Variants in PDS5A observed in about 807,000 individuals in gnomAD.
The protein encoded by PDS5A is sister chromatid cohesion protein PDS5 homolog A.
In PDS5A, 42 loss-of-function variants were observed where a neutral mutation model predicts 167.1. That is an observed-to-expected ratio of 0.25 (90% CI 0.20 to 0.33). The LOEUF is 0.33. PDS5A is among the 10% of genes least tolerant of loss of function. The pLI, the probability that PDS5A is intolerant of heterozygous loss-of-function variation, is 1.00. For synonymous variants in PDS5A, 553 were observed against 554.6 expected, an observed-to-expected ratio of 1.00 and a Z score of 0.04; for missense variants, 1,033 against 1,605.9, an observed-to-expected ratio of 0.64 and a Z score of 6.10.
chr4:39,950,480 T>C (rs889535632), intron 2 of PDS5A, among the ~76,000 whole-genome samples: 1 of 152,056 alleles, frequency 6.6e-6, no homozygotes, highest in African/African-American at 2.4e-5. Context: ...GGCTCCCGCC[T>C]GTAATCTCAA....
At chr4:39,904,967 C>CT (rs1018806519) in intron 11 of PDS5A, among the ~76,000 whole-genome samples, 43 of 152,302 alleles carry the variant, frequency 2.8e-4, no homozygotes, top group African/African-American at 9.4e-4. Flanking sequence ...AGTTACATCC[C>CT]TTTAGATGTT....
chr4:39,973,806 C>G, intron 2 of PDS5A: 1 of 1,167,796 alleles, frequency 8.6e-7, no homozygotes, highest in Non-Finnish European at 1.3e-6. Context: ...CAGGTTACTT[C>G]ATGGCAGCTA....
rs188755570 is a variant in PDS5A, at chr4:39,935,155, G to A, written c.139-6991C>T. ...GATTGATTGATTGACTGATTGGGAC[G>A]GAGTCTCACTCTGTTGCCTAGGCTG... is the stretch of plus-strand genomic sequence containing the variant. On this transcript the variant is annotated intron_variant, in intron 2 of 32. Transcript: ENST00000303538. Among the ~76,000 whole-genome samples, 15 of 152,256 alleles carry A rather than the reference G, an allele frequency of 9.9e-5. No homozygotes were observed. The East Asian group carries it at 2.5e-3, about 25-fold the overall frequency.
chr4:39,974,694 C>G (rs181922259), intron 2 of PDS5A, among the ~76,000 whole-genome samples: 41 of 152,068 alleles, frequency 2.7e-4, no homozygotes, highest in African/African-American at 9.9e-4. Flanking sequence ...CAGGTATGCG[C>G]CACCACGCCC....
intron 19 of PDS5A, among the ~76,000 whole-genome samples, chr4:39,875,674 T>C (rs1278303609): frequency 3.9e-5 from 6 of 152,144 alleles, no homozygotes; most frequent in African/African-American, 1.4e-4. Context: ...ACTTTGGAAT[T>C]ATGAGATAGG....
chr4:39,835,186 C>A (rs1256748246), intron 32 of PDS5A, among the ~76,000 whole-genome samples: 1 of 152,114 alleles, frequency 6.6e-6, no homozygotes, highest in Non-Finnish European at 1.5e-5. Flanking sequence ...AAGATCTGCC[C>A]ACCTTGGCTT....
At chr4:39,934,917 G>C (rs931569191) in intron 2 of PDS5A, among the ~76,000 whole-genome samples, 1 of 151,272 alleles carries the variant, frequency 6.6e-6, no homozygotes. Context: ...TATATTCTGG[G>C]TACCAATCCT....
Position 39,895,194 on chromosome 4 carries a change from C to T in PDS5A, c.1770+3195G>A, listed in dbSNP as rs555735873. 9.8e-3 allele frequency among the ~76,000 whole-genome samples: 1,069 copies of T among 109,118 alleles called. 5 individuals carry two copies. Among genetic ancestry groups the T allele is most frequent in the Middle Eastern group, 0.014 (2 of 142 alleles). 71.6% of individuals were successfully genotyped at this position (109,118 alleles called of 152,430 possible). ...TCCAGCTTGGGCGACAGTGAGACTCCGTCTCAAAAAAAAAAAAAAAAAAAA... is the reference window on the plus strand; with the variant it reads ...TCCAGCTTGGGCGACAGTGAGACTCTGTCTCAAAAAAAAAAAAAAAAAAAA... On this transcript the variant is annotated intron_variant, in intron 16 of 32. Coordinates refer to ENST00000303538, the MANE Select transcript of PDS5A (RefSeq NM_001100399.2).
At chr4:39,920,812 G>A (rs1383273285) in intron 6 of PDS5A, among the ~76,000 whole-genome samples, 1 of 152,134 alleles carries the variant, frequency 6.6e-6, no homozygotes, top group East Asian at 1.9e-4. Context: ...TAATCAATGC[G>A]TGCTCTGGAG....
intron 32 of PDS5A, among the ~76,000 whole-genome samples, chr4:39,834,939 CACA>C (rs1414450058): frequency 1.3e-5 from 2 of 152,176 alleles, no homozygotes; most frequent in Admixed American, 6.6e-5. Flanking sequence ...AGTACAGGCA[CACA>C]ACATCATGCC....
chr4:39,882,807 TTAAA>T (rs1721074789), intron 17 of PDS5A, among the ~76,000 whole-genome samples: 1 of 152,154 alleles, frequency 6.6e-6, no homozygotes, highest in South Asian at 2.1e-4. Context: ...CTTTTATAAA[TTAAA>T]TAAATAATAT....
chr4:39,882,950 T>C (rs1429250625), intron 17 of PDS5A, among the ~76,000 whole-genome samples: 3 of 152,298 alleles, frequency 2.0e-5, no homozygotes, highest in Non-Finnish European at 4.4e-5. Context: ...AATACTCCCA[T>C]TGGCAACTTC....
chr4:39,836,194 A>G (rs1018617038), intron 32 of PDS5A, among the ~76,000 whole-genome samples: 1 of 152,200 alleles, frequency 6.6e-6, no homozygotes, highest in Non-Finnish European at 1.5e-5. Flanking sequence ...AGGGAGGCAG[A>G]GGTTCAATAA....
intron 7 of PDS5A, 59 bp from the exon 8 acceptor site, chr4:39,917,247 A>G: frequency 9.1e-7 from 1 of 1,099,806 alleles, no homozygotes; most frequent in Non-Finnish European, 1.3e-6. Context: ...ACATGGATAC[A>G]TTTTTAATAA....
At chr4:39,953,167 G>A (rs1042199896) in intron 2 of PDS5A, among the ~76,000 whole-genome samples, 3 of 152,128 alleles carry the variant, frequency 2.0e-5, no homozygotes, top group Admixed American at 6.6e-5. Context: ...TGGTTTAGAG[G>A]TCTTGGAATA....
chr4:39,904,757 G>A (rs954537156), intron 11 of PDS5A, among the ~76,000 whole-genome samples: 2 of 152,098 alleles, frequency 1.3e-5, no homozygotes, highest in East Asian at 3.9e-4. Context: ...TCAAATTTCT[G>A]GGCTAAAGTG....
Position 39,908,493 on chromosome 4 carries a change from C to T in PDS5A, c.1135G>A (p.Asp379Asn). The change falls in exon 11 of 33, where the codon GAT becomes AAT. Residue 379 changes from aspartate to asparagine, a missense_variant. Physicochemically the swap from Asp to Asn is conservative, Grantham distance 23 (BLOSUM62 1). Coordinates refer to ENST00000303538, the MANE Select transcript of PDS5A (RefSeq NM_001100399.2). ...SHDPEEAIRH[D>N]VIVTIITAAK... ...GCTGTTATTATAGTAACAATGACAT[C>T]ATGACGAATAGCTTCTTCTGGATCA... 1.3e-6 allele frequency: 2 copies of T among 1,598,718 alleles called. No homozygotes were observed. Among genetic ancestry groups the T allele is most frequent in the Non-Finnish European group, 1.7e-6 (2 of 1,166,130 alleles).
chr4:39,909,792 T>C (rs1232272436), intron 10 of PDS5A, among the ~76,000 whole-genome samples: 1 of 152,174 alleles, frequency 6.6e-6, no homozygotes, highest in Admixed American at 6.6e-5. Flanking sequence ...AAAATTCTAG[T>C]CTAGTGCAGA....
chr4:39,937,330 G>A (rs541266227), intron 2 of PDS5A, among the ~76,000 whole-genome samples: 1 of 144,662 alleles, frequency 6.9e-6, no homozygotes, highest in African/African-American at 2.4e-5. Context: ...AGATCAGATC[G>A]ATTATTATAT....
Sources: allele counts gnomAD v4.1 joint callset (sites outside exome capture counted in the v4.1 genomes callset), GRCh38; gene constraint gnomAD v4.1.1; transcripts MANE v1.5; gene names NCBI Gene and HGNC (gene_info 2026-07-23, HGNC 2026-07-21).